The following FAT3 variants were observed in gnomAD, a reference collection of about 807,000 sequenced individuals.
FAT3 encodes protocadherin Fat 3.
A neutral mutation model predicts 310.2 loss-of-function variants in FAT3; 95 were observed. That is an observed-to-expected ratio of 0.31 (90% CI 0.26 to 0.36). The LOEUF is 0.36. FAT3 is among the 10% of genes least tolerant of loss of function. FAT3 has a pLI of 1.00. For synonymous variants in FAT3, 2,314 were observed against 2,192.9 expected (o/e 1.06, Z -1.54); for missense variants, 5,408 against 5,715.6 (o/e 0.95, Z 1.74).
Position 92,352,691 on chromosome 11 carries a change from C to A in FAT3, c.579C>A (p.Phe193Leu). 1 of 1,613,780 alleles carries A rather than the reference C, an allele frequency of 6.2e-7. No homozygotes were observed. The highest frequency in any genetic ancestry group is 8.5e-7 in the Non-Finnish European group (1 of 1,179,860). ...CAGATATTGGTTCCAATGGAGAATT[C>A]TACTACTACTTTAAAAATAAAGTTG... ...TDADIGSNGE[F>L]YYYFKNKVDL... is the part of the protein sequence containing the mutation. Residue 193 changes from phenylalanine to leucine, a missense_variant, in exon 2 of 28, where the codon TTC becomes TTA. Around this residue, in one of 5 missense-constraint regions of FAT3, gnomAD observed 4,588 missense variants for 4,809.8 expected, o/e 0.95. Coordinates refer to ENST00000525166, the MANE Select transcript of FAT3 (RefSeq NM_001367949.2).
intron 27 of FAT3, among the ~76,000 whole-genome samples, chr11:92,890,137 ACCTCTCTGCAAGCATGTTG>A (rs1565683382): frequency 6.6e-6 from 1 of 151,504 alleles, no homozygotes; most frequent in Admixed American, 6.6e-5. Context: ...CAGCTGATGG[ACCTCTCTGCAAGCATGTTG>A]CCAGTCTGGC....
chr11:92,700,285 G>A (rs182531734), intron 4 of FAT3, among the ~76,000 whole-genome samples: 62 of 152,218 alleles, frequency 4.1e-4, no homozygotes, highest in African/African-American at 1.3e-3. Context: ...GGATGGGAGC[G>A]GAGGTTATAG....
At chr11:92,809,698 T>C in intron 12 of FAT3, 145 bp from the exon 13 acceptor site, 1 of 630,264 alleles carries the variant, frequency 1.6e-6, no homozygotes, top group South Asian at 2.2e-5. Flanking sequence ...TTGAATTTGC[T>C]ACATTTTTAA....
chr11:92,303,656 T>G (rs1412992341), intron 1 of FAT3, among the ~76,000 whole-genome samples: 5 of 152,166 alleles, frequency 3.3e-5, no homozygotes, highest in Non-Finnish European at 5.9e-5. Context: ...ATAAATGTAT[T>G]GTTGTAGCTT....
Position 92,831,836 on chromosome 11 carries a change from C to A in FAT3, c.9696C>A (p.Asn3232Lys), listed in dbSNP as rs765274303. 6.8e-6 allele frequency: 11 copies of A among 1,613,692 alleles called. No homozygotes were observed. The South Asian group carries it at 1.2e-4, about 18-fold the overall frequency. The change falls in exon 14 of 28, where the codon AAC becomes AAA. Residue 3232 changes from asparagine (N) to lysine (K), a missense_variant. Around this residue, in one of 5 missense-constraint regions of FAT3, gnomAD observed 4,588 missense variants for 4,809.8 expected, o/e 0.95. Transcript: ENST00000525166. ...TCACCGTTCTGGACATTAATGACAA[C>A]CCCCCTGTGTTTGAGAGGAGGGACT... ...VTITVLDIND[N>K]PPVFERRDYL...
intron 2 of FAT3, among the ~76,000 whole-genome samples, chr11:92,502,073 A>C (rs1952957111): frequency 6.6e-6 from 1 of 152,060 alleles, no homozygotes; most frequent in Admixed American, 6.6e-5. Context: ...GACTCCTGAG[A>C]ATAATAGTTA....
chr11:92,609,381 C>G (rs1421759081), intron 3 of FAT3, among the ~76,000 whole-genome samples: 6 of 152,110 alleles, frequency 3.9e-5, no homozygotes, highest in Non-Finnish European at 5.9e-5. Context: ...GTGGCTATAT[C>G]TAATTTTCTG....
chr11:92,238,989 C>G (rs962679797), intron 1 of FAT3, among the ~76,000 whole-genome samples: 2 of 152,092 alleles, frequency 1.3e-5, no homozygotes, highest in Non-Finnish European at 2.9e-5. Flanking sequence ...TTGTTAATAA[C>G]AACTAACATT....
Position 92,706,664 on chromosome 11 carries a change from C to T in FAT3, c.3669+9219C>T, listed in dbSNP as rs147491243. On this transcript the variant is annotated intron_variant, in intron 4 of 27. Coordinates refer to ENST00000525166, the MANE Select transcript of FAT3 (RefSeq NM_001367949.2). ...AGTTGATAGAAAGGAAGACTTCTTACTTGCCTCATAATTTGTAATCCTCTC... is the reference window on the plus strand; with the variant it reads ...AGTTGATAGAAAGGAAGACTTCTTATTTGCCTCATAATTTGTAATCCTCTC... 2.1e-3 allele frequency among the ~76,000 whole-genome samples: 314 copies of T among 152,302 alleles called. 2 individuals carry two copies. The highest frequency in any genetic ancestry group is 7.4e-3 in the African/African-American group (307 of 41,558).
At chr11:92,232,023 C>T (rs941338000) in intron 1 of FAT3, among the ~76,000 whole-genome samples, 21 of 152,100 alleles carry the variant, frequency 1.4e-4, no homozygotes, top group African/African-American at 4.8e-4. Context: ...TCTGTTGGTT[C>T]TAAGTGGTGG....
chr11:92,725,165 A>T (rs1944964958), intron 4 of FAT3, among the ~76,000 whole-genome samples: 1 of 152,214 alleles, frequency 6.6e-6, no homozygotes, highest in African/African-American at 2.4e-5. Context: ...GAAATCACCC[A>T]ATATAGTCTC....
chr11:92,293,280 C>T (rs3133370), intron 1 of FAT3, among the ~76,000 whole-genome samples: 95,107 of 150,992 alleles, frequency 0.63, 30,460 homozygotes, highest in Admixed American at 0.68. Context: ...AAGTGCTACT[C>T]TCTTACCTTC....
chr11:92,802,780 C>T (rs989895702), intron 10 of FAT3, among the ~76,000 whole-genome samples: 1 of 152,122 alleles, frequency 6.6e-6, no homozygotes, highest in African/African-American at 2.4e-5. Context: ...AGGTGGCTTC[C>T]GTTTAGAAAA....
intron 4 of FAT3, among the ~76,000 whole-genome samples, chr11:92,737,687 A>T (rs940410582): frequency 7.2e-5 from 11 of 152,076 alleles, no homozygotes; most frequent in Non-Finnish European, 1.5e-5. Context: ...AAGCAGTCAG[A>T]ATTTTCCATG....
chr11:92,449,859 C>T (rs1382430875), intron 2 of FAT3, among the ~76,000 whole-genome samples: 1 of 152,068 alleles, frequency 6.6e-6, no homozygotes, highest in Non-Finnish European at 1.5e-5. Context: ...GTATTTTCTC[C>T]CTTAGATTGG....
chr11:92,509,032 A>G (rs1448120545), intron 2 of FAT3, among the ~76,000 whole-genome samples: 1 of 152,162 alleles, frequency 6.6e-6, no homozygotes, highest in Non-Finnish European at 1.5e-5. Context: ...CTATCTTTCT[A>G]TCAACATCAA....
chr11:92,548,900 A>G (rs1397806316), intron 3 of FAT3, among the ~76,000 whole-genome samples: 1 of 152,200 alleles, frequency 6.6e-6, no homozygotes. Context: ...GAAGTGAGAG[A>G]AGTTGGCATT....
intron 3 of FAT3, among the ~76,000 whole-genome samples, chr11:92,586,446 G>T (rs1287823578): frequency 1.3e-5 from 2 of 151,874 alleles, no homozygotes; most frequent in African/African-American, 2.4e-5. Flanking sequence ...TCTCAGGTTG[G>T]GTTCTTTTAC....
At chr11:92,763,564 T>G (rs910625523) in intron 5 of FAT3, among the ~76,000 whole-genome samples, 1 of 152,062 alleles carries the variant, frequency 6.6e-6, no homozygotes, top group African/African-American at 2.4e-5. Context: ...TGATTCTTGG[T>G]GAAAGAGAGT....
Sources: allele counts gnomAD v4.1 joint callset (sites outside exome capture counted in the v4.1 genomes callset), GRCh38; gene constraint gnomAD v4.1.1; regional missense constraint gnomAD v4.1.1; transcripts MANE v1.5; gene names NCBI Gene and HGNC (gene_info 2026-07-23, HGNC 2026-07-21).